Variants in OOSP4A observed in about 807,000 individuals in gnomAD.
OOSP4A encodes oocyte secreted protein family member 4A, also known as oocyte-secreted protein 4A.
intron 3 of OOSP4A, among the ~76,000 whole-genome samples, chr11:59,968,066 TA>T (rs916367705): frequency 6.6e-6 from 1 of 152,228 alleles, no homozygotes; most frequent in Admixed American, 6.5e-5. Context: ...GGGTTTTCTT[TA>T]AGACTCCTAG....
At chr11:59,965,390 C>A (rs1052579211) in intron 1 of OOSP4A, 145 bp from the exon 2 acceptor site, 23 of 394,998 alleles carry the variant, frequency 5.8e-5, no homozygotes, top group Admixed American at 8.8e-5. Context: ...CAAGATCTCC[C>A]AGTGGAAAAA....
At chr11:59,965,854 A>G in intron 2 of OOSP4A, 141 bp downstream of exon 2, 1 of 395,298 alleles carries the variant, frequency 2.5e-6, no homozygotes, top group East Asian at 3.6e-5. Flanking sequence ...TCTCTTCAAC[A>G]TTTTTGGATG....
At chr11:59,967,226 C>A in intron 3 of OOSP4A, 62 bp downstream of exon 3, 1 of 396,360 alleles carries the variant, frequency 2.5e-6, no homozygotes, top group Non-Finnish European at 4.4e-6. Context: ...TCTAGGTGTT[C>A]TGATCAGTTA....
intron 1 of OOSP4A, 43 bp downstream of exon 1, chr11:59,964,142 G>A (rs1362111065): frequency 2.7e-6 from 1 of 370,912 alleles, no homozygotes; most frequent in Non-Finnish European, 4.6e-6. Context: ...ATTTCAATCA[G>A]CAGGGCTTTT....
chr11:59,969,978 C>A, intron 4 of OOSP4A, 71 bp from the exon 5 acceptor site: 1 of 396,586 alleles, frequency 2.5e-6, no homozygotes, highest in Middle Eastern at 6.4e-4. Flanking sequence ...CTTTGTTGAG[C>A]CTCAGTGGAT....
At position 59,970,031 on chromosome 11, in the gene OOSP4A, T is replaced by C. The variant is rs1047029359; in HGVS notation, c.480-18T>C. 7.5e-6 allele frequency: 3 copies of C among 397,918 alleles called. No homozygotes were observed. The highest frequency in any genetic ancestry group is 8.8e-5 in the Admixed American group (2 of 22,690). 24.6% of individuals were successfully genotyped at this position (397,918 alleles called of 1,614,324 possible). On this transcript the variant is annotated intron_variant, in intron 4 of 4. Transcript: ENST00000645590. ...CCATCAGTACAACAATGTAACTGTT[T>C]CTTTTCCGTCCTTACAGGAACAGTG...
chr11:59,965,753 G>T, intron 2 of OOSP4A, 40 bp downstream of exon 2: 1 of 398,022 alleles, frequency 2.5e-6, no homozygotes, highest in Non-Finnish European at 4.4e-6. Flanking sequence ...TATATCTTTT[G>T]ACTGTTTTGG....
downstream of OOSP4A, chr11:59,970,263 A>G (rs1245869566): frequency 1.5e-5 from 6 of 390,538 alleles, no homozygotes; most frequent in Non-Finnish European, 2.7e-5. Context: ...TCTGTTGTCC[A>G]TATTTATGAA....
At chr11:59,969,034 C>G (rs1854131064) in intron 3 of OOSP4A, 116 bp from the exon 4 acceptor site, 1 of 394,568 alleles carries the variant, frequency 2.5e-6, no homozygotes, top group Non-Finnish European at 4.5e-6. Flanking sequence ...ATTTGGCATT[C>G]TCTCACAGCT....
At chr11:59,966,474 CTT>C (rs573326718) in intron 2 of OOSP4A, among the ~76,000 whole-genome samples, 24 of 142,516 alleles carry the variant, frequency 1.7e-4, no homozygotes, top group Non-Finnish European at 1.9e-4. Context: ...GACTCTGACT[CTT>C]TTTTTTTTTT....
At chr11:59,967,965 A>T (rs1395263979) in intron 3 of OOSP4A, among the ~76,000 whole-genome samples, 1 of 152,152 alleles carries the variant, frequency 6.6e-6, no homozygotes, top group Non-Finnish European at 1.5e-5. Flanking sequence ...ACTTGGTGAT[A>T]TCTACTTTTC....
chr11:59,970,292 A>G (rs941310227), downstream of OOSP4A: 22 of 388,312 alleles, frequency 5.7e-5, no homozygotes, highest in Non-Finnish European at 9.1e-5. Flanking sequence ...GTAGGGAGAA[A>G]AGCCTTCCCT....
At chr11:59,969,875 C>T (rs924832127) in intron 4 of OOSP4A, among the ~76,000 whole-genome samples, 174 bp from the exon 5 acceptor site, 2 of 152,106 alleles carry the variant, frequency 1.3e-5, no homozygotes, top group East Asian at 1.9e-4. Flanking sequence ...TGTGTGTATA[C>T]ATGTGTATAT....
intron 2 of OOSP4A, among the ~76,000 whole-genome samples, chr11:59,966,480 T>C (rs1440915352): frequency 6.6e-6 from 1 of 152,034 alleles, no homozygotes; most frequent in East Asian, 1.9e-4. Flanking sequence ...GACTCTTTTT[T>C]TTTTTTTGCT....
intron 3 of OOSP4A, among the ~76,000 whole-genome samples, 170 bp downstream of exon 3, chr11:59,967,334 A>G (rs565558884): frequency 2.8e-4 from 42 of 152,304 alleles, no homozygotes; most frequent in South Asian, 6.2e-4. Context: ...TGATTCTCTC[A>G]ATGTAGTTTC....
At chr11:59,967,001 A>T (rs890154243) in intron 2 of OOSP4A, 66 bp from the exon 3 acceptor site, 4 of 395,860 alleles carry the variant, frequency 1.0e-5, no homozygotes, top group Non-Finnish European at 1.8e-5. Context: ...CTATATTTTT[A>T]AAATGGAATT....
chr11:59,969,051 G>T (rs1854131469), intron 3 of OOSP4A, 99 bp from the exon 4 acceptor site: 1 of 395,572 alleles, frequency 2.5e-6, no homozygotes, highest in Non-Finnish European at 4.5e-6. Context: ...AGCTGGAAGA[G>T]ATCTGTTTAA....
chr11:59,965,269 C>T (rs1854087494), intron 1 of OOSP4A, among the ~76,000 whole-genome samples: 1 of 152,032 alleles, frequency 6.6e-6, no homozygotes, highest in African/African-American at 2.4e-5. Context: ...GCACGTTGTG[C>T]ACATGTACCC....
intron 1 of OOSP4A, among the ~76,000 whole-genome samples, chr11:59,965,200 TGAC>T (rs1475436224): frequency 2.6e-5 from 4 of 150,968 alleles, no homozygotes; most frequent in Non-Finnish European, 5.9e-5. Flanking sequence ...TAATGTTAAA[TGAC>T]GAGTTAATGG....
Sources: allele counts gnomAD v4.1 joint callset (sites outside exome capture counted in the v4.1 genomes callset), GRCh38; gene constraint gnomAD v4.1.1; transcripts MANE v1.5; gene names NCBI Gene and HGNC (gene_info 2026-07-23, HGNC 2026-07-21).